The following OR2M4 variants were observed in gnomAD, a reference collection of about 807,000 sequenced individuals.
OR2M4 encodes the protein olfactory receptor 2M4.
OR2M4 carries 8 observed loss-of-function variants against 13.7 expected under a neutral mutation model. The ratio of observed to expected loss-of-function variants is 0.58; its 90% CI spans 0.34 to 1.05. The LOEUF (loss-of-function observed/expected upper bound fraction) is 1.05. Ranked by LOEUF, OR2M4 falls within the 50% of genes least tolerant of loss-of-function variation. OR2M4 has a pLI of 0.02. For synonymous variants in OR2M4, 152 were observed against 141.3 expected, an observed-to-expected ratio of 1.08 and a Z score of -0.53; for missense variants, 374 against 381.6, an observed-to-expected ratio of 0.98 and a Z score of 0.17.
intron 1 of OR2M4, among the ~76,000 whole-genome samples, chr1:248,235,661 C>T (rs1440115268): frequency 6.6e-6 from 1 of 152,064 alleles, no homozygotes; most frequent in African/African-American, 2.4e-5. Context: ...TTGTTAGTGT[C>T]TTCTCTTATT....
At position 248,239,099 on chromosome 1, in the gene OR2M4, C is replaced by G. The variant is rs369501758; in HGVS notation, c.171C>G (p.Thr57=). The G allele has an allele frequency of 5.6e-6, 9 of 1,613,894 alleles. No individual in the cohort carries two copies. In the African/African-American group the frequency reaches 1.1e-4, roughly 19 times the overall value. ...TCTACATAGAGAAACAGCTCCACAC[C>G]CCCATGTACTTCCTCCTCAGTCAAC... ...LLIYIEKQLH[T]PMYFLLSQLS... Residue 57 remains threonine, a synonymous_variant, in exon 2 of 2, where the codon ACC becomes ACG. Transcript: ENST00000641868.
Position 248,241,954 on chromosome 1 carries a change from C to T in OR2M4, c.*2090C>T, listed in dbSNP as rs945874511. Reference sequence around the variant, plus strand: ...AAGTAGTTTTTATCATAGCAAATGTCGCCCTAGCTATGTCAAGTCAAAAAT... The same window carrying T: ...AAGTAGTTTTTATCATAGCAAATGTTGCCCTAGCTATGTCAAGTCAAAAAT... On this transcript the variant is annotated 3_prime_UTR_variant, in exon 2 of 2. Transcript: ENST00000641868. The T allele has an allele frequency of 2.0e-5, 3 of 152,082 alleles. No homozygotes were observed. Among genetic ancestry groups the T allele is most frequent in the Admixed American group, 2.0e-4 (3 of 15,272 alleles). The allele number at this position is 152,082 out of a possible 1,614,324, so 9.4% of individuals were successfully genotyped here. A position where few individuals can be genotyped will look rare whatever the true frequency, so the allele number is the denominator to read the frequency against.
intron 1 of OR2M4, among the ~76,000 whole-genome samples, chr1:248,234,272 G>A (rs1368554216): frequency 6.7e-6 from 1 of 149,954 alleles, no homozygotes; most frequent in Non-Finnish European, 1.5e-5. Context: ...ACTGGGCTGA[G>A]TCAAATATTT....
intron 1 of OR2M4, among the ~76,000 whole-genome samples, chr1:248,232,644 T>C (rs999559935): frequency 5.3e-5 from 8 of 152,232 alleles, no homozygotes; most frequent in African/African-American, 1.9e-4. Flanking sequence ...CATAAAATCA[T>C]ATGGAAGAAT....
Position 248,239,063 on chromosome 1 carries a change from G to T in OR2M4, c.135G>T (p.Met45Ile), listed in dbSNP as rs763457020. The change falls in exon 2 of 2, where the codon ATG (methionine) becomes ATT (isoleucine). Residue 45 changes from methionine (M) to isoleucine (I), a missense_variant. Met to Ile is a conservative substitution (Grantham distance 10). Coordinates refer to ENST00000641868, the MANE Select transcript of OR2M4 (RefSeq NM_017504.2). ...FSLALMENISMVLLIYIEKQL... is the reference protein window; with the variant it reads ...FSLALMENISIVLLIYIEKQL... ...TGGCATTGATGGAAAATATTTCCAT[G>T]GTTCTCCTCATCTACATAGAGAAAC... 2 of 1,613,868 alleles carry T rather than the reference G, an allele frequency of 1.2e-6. No homozygotes were observed. Among genetic ancestry groups the T allele is most frequent in the Non-Finnish European group, 1.7e-6 (2 of 1,179,910 alleles).
intron 1 of OR2M4, among the ~76,000 whole-genome samples, chr1:248,234,718 G>C (rs2103021824): frequency 6.6e-6 from 1 of 150,768 alleles, no homozygotes; most frequent in Non-Finnish European, 1.5e-5. Context: ...TTATGAGATG[G>C]TATCTCATTG....
At chr1:248,237,601 C>T (rs577596203) in intron 1 of OR2M4, among the ~76,000 whole-genome samples, 14 of 152,172 alleles carry the variant, frequency 9.2e-5, no homozygotes, top group Non-Finnish European at 1.6e-4. Flanking sequence ...TGCATTGAGC[C>T]AAGATTGCAC....
Position 248,239,806 on chromosome 1 carries a change from G to A in OR2M4, c.878G>A (p.Arg293His), listed in dbSNP as rs371325030. ...PMLNPLIYSL[R>H]NKEVFRALQK... is the part of the protein sequence containing the mutation. Reference sequence around the variant, plus strand: ...CTGAACCCTCTCATTTATAGCCTCCGCAACAAAGAAGTGTTCAGGGCACTA... The same window carrying A: ...CTGAACCCTCTCATTTATAGCCTCCACAACAAAGAAGTGTTCAGGGCACTA... The change falls in exon 2 of 2, where the codon CGC becomes CAC. Residue 293 changes from arginine (R) to histidine (H), a missense_variant. Arg to His is a conservative substitution (Grantham distance 29). Coordinates refer to ENST00000641868, the MANE Select transcript of OR2M4 (RefSeq NM_017504.2). 4.3e-5 allele frequency: 70 copies of A among 1,613,686 alleles called. No individual in the cohort carries two copies. Among genetic ancestry groups the A allele is most frequent in the Non-Finnish European group, 5.3e-5 (62 of 1,179,940 alleles).
Position 248,240,474 on chromosome 1 carries a change from A to G in OR2M4, c.*610A>G, listed in dbSNP as rs987677065. 1 of 152,230 alleles carries G rather than the reference A, an allele frequency of 6.6e-6. No individual in the cohort carries two copies. The highest frequency in any genetic ancestry group is 1.5e-5 in the Non-Finnish European group (1 of 68,048). The allele number at this position is 152,230 out of a possible 1,614,324, so 9.4% of individuals were successfully genotyped here. A position where few individuals can be genotyped will look rare whatever the true frequency, so the allele number is the denominator to read the frequency against. On this transcript the variant is annotated 3_prime_UTR_variant, in exon 2 of 2. Coordinates refer to ENST00000641868, the MANE Select transcript of OR2M4 (RefSeq NM_017504.2). The stretch of plus-strand genomic sequence containing the variant: ...GCTAATAAAATTAAATATTTTAAGG[A>G]GTCCACATAAAATATCTATTTGGGC...
At chr1:248,234,306 T>G (rs1240608882) in intron 1 of OR2M4, among the ~76,000 whole-genome samples, 1 of 152,070 alleles carries the variant, frequency 6.6e-6, no homozygotes, top group African/African-American at 2.4e-5. Flanking sequence ...TGTATTTTAT[T>G]ATAGGTTCCA....
rs1666624477 is a variant in OR2M4, at chr1:248,242,092, G to A, written c.*2228G>A. On this transcript the variant is annotated 3_prime_UTR_variant, in exon 2 of 2. Coordinates refer to ENST00000641868, the MANE Select transcript of OR2M4 (RefSeq NM_017504.2). Reference sequence around the variant, plus strand: ...CTCAGTTTTTGGAAGCAGAATATATGTGTCGTGGGTACAGTTGCTCAATTT... The same window carrying A: ...CTCAGTTTTTGGAAGCAGAATATATATGTCGTGGGTACAGTTGCTCAATTT... 6.6e-6 allele frequency: 1 copy of A among 152,090 alleles called. No individual in the cohort carries two copies. The allele number at this position is 152,090 out of a possible 1,614,324, so 9.4% of individuals were successfully genotyped here.
intron 1 of OR2M4, 121 bp downstream of exon 1, chr1:248,231,701 C>G (rs1377552242): frequency 6.6e-6 from 1 of 152,084 alleles, no homozygotes; most frequent in African/African-American, 2.4e-5. Flanking sequence ...TTTTGGAACA[C>G]TATACAGAAT....
rs774404379 is a variant in OR2M4, at chr1:248,239,579, C to T, written c.651C>T (p.Ser217=). 6.2e-7 allele frequency: 1 copy of T among 1,614,054 alleles called. No homozygotes were observed. Among genetic ancestry groups the T allele is most frequent in the Non-Finnish European group, 8.5e-7 (1 of 1,180,026 alleles). ...LIFPVSVIIL[S]YSHVLRAVIH... Reference sequence around the variant, plus strand: ...TTCCAGTTTCAGTTATCATACTTTCCTATTCCCATGTCCTTCGAGCCGTCA... The same window carrying T: ...TTCCAGTTTCAGTTATCATACTTTCTTATTCCCATGTCCTTCGAGCCGTCA... Residue 217 remains serine (S), a synonymous_variant, in exon 2 of 2, where the codon TCC becomes TCT. Transcript: ENST00000641868.
rs1199520580 is a variant in OR2M4 at position 248,239,590 on chromosome 1, T to C, written c.662T>C (p.Val221Ala). 6 of 1,614,026 alleles carry C rather than the reference T, an allele frequency of 3.7e-6. No homozygotes were observed. In the African/African-American group the frequency reaches 8.0e-5, roughly 22 times the overall value. The change falls in exon 2 of 2, where the codon GTC becomes GCC. Residue 221 changes from valine (V) to alanine (A), a missense_variant. Val to Ala is a moderately conservative substitution (Grantham distance 64). Coordinates refer to ENST00000641868, the MANE Select transcript of OR2M4 (RefSeq NM_017504.2). Reference protein sequence around the residue: ...VSVIILSYSHVLRAVIHMGSG... With the variant: ...VSVIILSYSHALRAVIHMGSG... Reference sequence around the variant, plus strand: ...GTTATCATACTTTCCTATTCCCATGTCCTTCGAGCCGTCATCCACATGGGC... The same window carrying C: ...GTTATCATACTTTCCTATTCCCATGCCCTTCGAGCCGTCATCCACATGGGC...
intron 1 of OR2M4, among the ~76,000 whole-genome samples, chr1:248,235,430 G>A (rs539582227): frequency 6.0e-4 from 92 of 152,148 alleles, no homozygotes; most frequent in African/African-American, 2.0e-3. Flanking sequence ...GTTTGACGTC[G>A]AGTAGTGTGA....
chr1:248,242,664 T>C lies in OR2M4; in HGVS notation c.*2800T>C, dbSNP rs1420450329. 4 of 152,182 alleles carry C rather than the reference T, an allele frequency of 2.6e-5. No homozygotes were observed. Among genetic ancestry groups the C allele is most frequent in the Non-Finnish European group, 4.4e-5 (3 of 68,042 alleles). 9.4% of individuals were successfully genotyped at this position (152,182 alleles called of 1,614,324 possible). Reference sequence around the variant, plus strand: ...GTCATGATAACAAATAGAAGTGTGATTTACATTTTGTCAGCAACATCACAC... The same window carrying C: ...GTCATGATAACAAATAGAAGTGTGACTTACATTTTGTCAGCAACATCACAC... On this transcript the variant is annotated 3_prime_UTR_variant, in exon 2 of 2. Coordinates refer to ENST00000641868, the MANE Select transcript of OR2M4 (RefSeq NM_017504.2).
In OR2M4 at chr1:248,240,578, C is replaced by G. The variant is rs1176948405; in HGVS notation, c.*714C>G. The G allele has an allele frequency of 1.3e-5, 2 of 152,116 alleles. No individual in the cohort carries two copies. The highest frequency in any genetic ancestry group is 4.8e-5 in the African/African-American group (2 of 41,400). The allele number at this position is 152,116 out of a possible 1,614,324, so 9.4% of individuals were successfully genotyped here. On this transcript the variant is annotated 3_prime_UTR_variant, in exon 2 of 2. Coordinates refer to ENST00000641868, the MANE Select transcript of OR2M4 (RefSeq NM_017504.2). The stretch of plus-strand genomic sequence containing the variant: ...TAACCATCAGAATCTGAAGGCAGAG[C>G]AAGATGATGGAATAGAAGGCTCCAC...
chr1:248,241,904 A>C lies in OR2M4; in HGVS notation c.*2040A>C, dbSNP rs1332575455. The C allele has an allele frequency of 6.6e-6, 1 of 152,168 alleles. No homozygotes were observed. The highest frequency in any genetic ancestry group is 3.2e-3 in the Middle Eastern group (1 of 316). The allele number at this position is 152,168 out of a possible 1,614,324, so 9.4% of individuals were successfully genotyped here. On this transcript the variant is annotated 3_prime_UTR_variant, in exon 2 of 2. Coordinates refer to ENST00000641868, the MANE Select transcript of OR2M4 (RefSeq NM_017504.2). ...AAACTCCATCTCAGTAAATAAATAA[A>C]TAAATAATTTCTGTTAAATATAAAA...
Position 248,239,506 on chromosome 1 carries a change from C to G in OR2M4, c.578C>G (p.Ser193Cys), listed in dbSNP as rs374565024. ...TTACCTCTATCCTGCACAGAAACATCTGCATTTGAAAGACTACTTGTCATT... is the reference window on the plus strand; with the variant it reads ...TTACCTCTATCCTGCACAGAAACATGTGCATTTGAAAGACTACTTGTCATT... ...ALLPLSCTET[S>C]AFERLLVICC... The change falls in exon 2 of 2, where the codon TCT (serine) becomes TGT (cysteine). Residue 193 changes from serine to cysteine, a missense_variant. Ser to Cys is a moderately radical substitution (Grantham distance 112). Coordinates refer to ENST00000641868, the MANE Select transcript of OR2M4 (RefSeq NM_017504.2). 9 of 1,613,970 alleles carry G rather than the reference C, an allele frequency of 5.6e-6. No individual in the cohort carries two copies. Among genetic ancestry groups the G allele is most frequent in the Middle Eastern group, 1.6e-4 (1 of 6,084 alleles).
Sources: gnomAD v4.1 joint callset for allele counts (sites outside exome capture counted in the v4.1 genomes callset) on GRCh38, gnomAD v4.1.1 for gene constraint, MANE v1.5 for transcripts, NCBI Gene and HGNC (gene_info 2026-07-23, HGNC 2026-07-21) for gene names.